The following AVL9 variants were observed in gnomAD, a reference collection of about 807,000 sequenced individuals.
AVL9 encodes AVL9 cell migration associated, also known as late secretory pathway protein AVL9 homolog.
In AVL9, 49 loss-of-function variants were observed where a neutral mutation model predicts 79.2. The ratio of observed to expected loss-of-function variants is 0.62; its 90% CI spans 0.49 to 0.79. The LOEUF (loss-of-function observed/expected upper bound fraction) is 0.79. Ranked by LOEUF, AVL9 falls within the 30% of genes least tolerant of loss-of-function variation. The pLI, the probability that AVL9 is intolerant of heterozygous loss-of-function variation, is 0.00. For synonymous variants in AVL9, 299 were observed against 280.6 expected (o/e 1.07, Z -0.65); for missense variants, 682 against 776.8 (o/e 0.88, Z 1.45).
chr7:32,527,484 T>A (rs1788455714), intron 1 of AVL9, among the ~76,000 whole-genome samples: 1 of 152,166 alleles, frequency 6.6e-6, no homozygotes, highest in Non-Finnish European at 1.5e-5. Context: ...TGCATACAAG[T>A]TAAAAATAAG....
At chr7:32,541,148 G>T (rs1294017154) in intron 1 of AVL9, among the ~76,000 whole-genome samples, 1 of 151,722 alleles carries the variant, frequency 6.6e-6, no homozygotes, top group Non-Finnish European at 1.5e-5. Context: ...TGATCCGCCC[G>T]CCTCGGCCTC....
At chr7:32,504,492 T>G (rs1415589633) in intron 1 of AVL9, among the ~76,000 whole-genome samples, 3 of 152,214 alleles carry the variant, frequency 2.0e-5, no homozygotes, top group Non-Finnish European at 4.4e-5. Context: ...TCTTATCTCT[T>G]TTACCATATG....
At chr7:32,569,887 T>G in intron 10 of AVL9, 133 bp from the exon 11 acceptor site, 2 of 784,440 alleles carry the variant, frequency 2.5e-6, no homozygotes, top group Non-Finnish European at 4.0e-6. Flanking sequence ...TTTTATTGAG[T>G]CAAAGATTAG....
chr7:32,546,472 T>C (rs149153107), intron 3 of AVL9, among the ~76,000 whole-genome samples: 3 of 152,272 alleles, frequency 2.0e-5, no homozygotes, highest in African/African-American at 7.2e-5. Flanking sequence ...AATAATAACA[T>C]ACACCTTAAA....
chr7:32,572,217 C>T (rs1562796960), intron 11 of AVL9, among the ~76,000 whole-genome samples: 1 of 150,398 alleles, frequency 6.6e-6, no homozygotes, highest in Non-Finnish European at 1.5e-5. Context: ...TAGTTTCTGA[C>T]AGAAAGTATG....
Position 32,543,224 on chromosome 7 carries a change from C to T in AVL9, c.177C>T (p.Phe59=). 1 of 1,614,190 alleles carries T rather than the reference C, an allele frequency of 6.2e-7. No individual in the cohort carries two copies. Among genetic ancestry groups the T allele is most frequent in the Non-Finnish European group, 8.5e-7 (1 of 1,180,036 alleles). Residue 59 remains phenylalanine (F), a synonymous_variant, in exon 2 of 16, where the codon TTC becomes TTT. Transcript: ENST00000318709. ...TLPEEWKYLP[F]LALPDGAHNY... ...CTGAAGAATGGAAGTATTTGCCCTT[C>T]CTTGCCTTACCAGATGGCGCACACA... is the stretch of plus-strand genomic sequence containing the variant.
chr7:32,529,157 G>C (rs958468821), intron 1 of AVL9, among the ~76,000 whole-genome samples: 24 of 152,332 alleles, frequency 1.6e-4, no homozygotes, highest in Admixed American at 1.4e-3. Flanking sequence ...GTCCATGAAT[G>C]GGATGCCTCT....
At chr7:32,503,449 T>G (rs1276874646) in intron 1 of AVL9, among the ~76,000 whole-genome samples, 2 of 143,852 alleles carry the variant, frequency 1.4e-5, no homozygotes, top group African/African-American at 5.2e-5. Context: ...TCCCAGCTAC[T>G]CGGGAGGCTG....
rs901705269 is a variant in AVL9 at position 32,576,791 on chromosome 7, GAAA to G, written c.1688+727_1688+729del. Among the ~76,000 whole-genome samples, 22 of 148,504 alleles carry G rather than the reference GAAA, an allele frequency of 1.5e-4. 1 individual carries two copies. The highest frequency in any genetic ancestry group is 1.2e-4 in the Non-Finnish European group (8 of 66,892). On this transcript the variant is annotated intron_variant, in intron 13 of 15. Coordinates refer to ENST00000318709, the MANE Select transcript of AVL9 (RefSeq NM_015060.3). Reference sequence around the variant, plus strand: ...ACAAGAGGGAGACTTTGTCTCAAAAGAAAAAAAAAAGTTAATATTTGGACTCCT... The same window carrying G: ...ACAAGAGGGAGACTTTGTCTCAAAAGAAAAAAAGTTAATATTTGGACTCCT...
chr7:32,502,697 G>A (rs1475227130), intron 1 of AVL9, among the ~76,000 whole-genome samples: 4 of 152,066 alleles, frequency 2.6e-5, no homozygotes, highest in East Asian at 1.9e-4. Flanking sequence ...GGTGAAGTTT[G>A]TATTAAAATG....
chr7:32,565,809 A>T (rs1790540289), intron 10 of AVL9, among the ~76,000 whole-genome samples: 1 of 151,990 alleles, frequency 6.6e-6, no homozygotes, highest in African/African-American at 2.4e-5. Context: ...AGAGATCAAG[A>T]CCATCCAGGC....
intron 1 of AVL9, among the ~76,000 whole-genome samples, chr7:32,542,385 CAAAAAAAA>C (rs567774011): frequency 2.2e-5 from 2 of 90,618 alleles, no homozygotes; most frequent in Admixed American, 2.6e-4. Context: ...AGTAAAAATA[CAAAAAAAA>C]AAAAAAAAAA....
chr7:32,546,678 C>T (rs924111346), intron 3 of AVL9, among the ~76,000 whole-genome samples: 2 of 151,950 alleles, frequency 1.3e-5, no homozygotes, highest in African/African-American at 4.8e-5. Context: ...AAAAAATTAG[C>T]CAGGTGTGGC....
At chr7:32,501,575 A>G (rs906420704) in intron 1 of AVL9, among the ~76,000 whole-genome samples, 1 of 152,182 alleles carries the variant, frequency 6.6e-6, no homozygotes, top group African/African-American at 2.4e-5. Context: ...TGCAGCATTG[A>G]CAGAACAATG....
intron 13 of AVL9, among the ~76,000 whole-genome samples, chr7:32,577,770 G>T (rs767211555): frequency 2.0e-5 from 3 of 152,230 alleles, no homozygotes; most frequent in Non-Finnish European, 4.4e-5. Context: ...AGAAGAACAT[G>T]TGAAGAAGTT....
intron 1 of AVL9, among the ~76,000 whole-genome samples, chr7:32,503,319 G>GATAGATATAT (rs1787227723): frequency 8.3e-6 from 1 of 120,650 alleles, no homozygotes; most frequent in Non-Finnish European, 1.7e-5. Flanking sequence ...TCTACTAAAA[G>GATAGATATAT]ATATATATAT....
chr7:32,498,237 A>AC (rs1786947641), intron 1 of AVL9, among the ~76,000 whole-genome samples: 1 of 89,814 alleles, frequency 1.1e-5, no homozygotes, highest in South Asian at 4.2e-4. Context: ...AAGTCCTCAG[A>AC]TTTTTTTTTT....
intron 1 of AVL9, among the ~76,000 whole-genome samples, chr7:32,503,573 A>AC (rs1787274404): frequency 1.3e-5 from 2 of 150,192 alleles, no homozygotes; most frequent in Non-Finnish European, 3.0e-5. Context: ...AAAAAAAAAA[A>AC]AAACTAGATT....
intron 10 of AVL9, among the ~76,000 whole-genome samples, chr7:32,563,744 G>A (rs759014500): frequency 3.3e-5 from 5 of 151,984 alleles, no homozygotes; most frequent in Admixed American, 1.3e-4. Flanking sequence ...TATATTATTC[G>A]ATAAATTATT....
Sources: allele counts gnomAD v4.1 joint callset (sites outside exome capture counted in the v4.1 genomes callset), GRCh38; gene constraint gnomAD v4.1.1; transcripts MANE v1.5; gene names NCBI Gene and HGNC (gene_info 2026-07-23, HGNC 2026-07-21).